DHRS12: variants seen among roughly 807,000 people sequenced by gnomAD.
DHRS12 encodes the protein dehydrogenase/reductase 12, also known as dehydrogenase/reductase SDR family member 12.
DHRS12 carries 29 observed loss-of-function variants against 32.1 expected under a neutral mutation model. The ratio of observed to expected loss-of-function variants is 0.90; its 90% CI spans 0.67 to 1.23. The LOEUF (loss-of-function observed/expected upper bound fraction) is 1.23, where lower values mean the gene tolerates loss of function less well. Ranked by LOEUF, DHRS12 falls within the 50% of genes most tolerant of loss-of-function variation. The pLI, the probability that DHRS12 is intolerant of heterozygous loss-of-function variation, is 0.00. For missense variants in DHRS12, 330 were observed against 337.2 expected, an observed-to-expected ratio of 0.98 and a Z score of 0.17; for synonymous variants, 150 against 135.9, an observed-to-expected ratio of 1.10 and a Z score of -0.72.
chr13:51,767,507 G>A (rs1046666558), downstream of DHRS12: 1 of 152,112 alleles, frequency 6.6e-6, no homozygotes, highest in Non-Finnish European at 1.5e-5. Context: ...ATTCCACCAT[G>A]GACACCAAGA....
Position 51,783,541 on chromosome 13 carries a change from A to G in DHRS12, c.302-6420T>C, listed in dbSNP as rs560244998. On this transcript the variant is annotated intron_variant, in intron 4 of 8. Transcript: ENST00000444610. ...TGTGTGTACACAGTTCTGAACTGTG[A>G]CAGATGCAGTCATGTAACTACGCAT... 3.3e-4 allele frequency among the ~76,000 whole-genome samples: 51 copies of G among 152,274 alleles called. 2 individuals are homozygous for G. The highest frequency in any genetic ancestry group is 9.4e-4 in the African/African-American group (39 of 41,536).
chr13:51,803,914 C>T, intron 1 of DHRS12, 140 bp downstream of exon 1: 1 of 755,956 alleles, frequency 1.3e-6, no homozygotes, highest in East Asian at 3.8e-5. Context: ...ACGGCGGGCG[C>T]ACCCGTCGTT....
At chr13:51,767,949 C>T (rs1953823883), downstream of DHRS12, 2 of 1,314,072 alleles carry the variant, frequency 1.5e-6, no homozygotes, top group African/African-American at 1.5e-5. Context: ...AAACCATTCT[C>T]GAATAAATGA....
At chr13:51,797,093 CAG>C (rs1391217629) in intron 2 of DHRS12, among the ~76,000 whole-genome samples, 1 of 152,130 alleles carries the variant, frequency 6.6e-6, no homozygotes, top group East Asian at 1.9e-4. Context: ...TCTTTAGTGA[CAG>C]TGAGCGAGCA....
chr13:51,781,150 A>G (rs928092841), intron 4 of DHRS12, among the ~76,000 whole-genome samples: 2 of 152,174 alleles, frequency 1.3e-5, no homozygotes, highest in Non-Finnish European at 2.9e-5. Flanking sequence ...TCACACACTA[A>G]TCTCACACAT....
chr13:51,770,377 A>C (rs1396072863), intron 7 of DHRS12, among the ~76,000 whole-genome samples: 1 of 152,196 alleles, frequency 6.6e-6, no homozygotes, highest in East Asian at 1.9e-4. Flanking sequence ...ACCTTGACCC[A>C]GATGATAGAG....
intron 4 of DHRS12, among the ~76,000 whole-genome samples, chr13:51,781,731 A>G (rs1156947254): frequency 2.0e-5 from 3 of 152,186 alleles, no homozygotes; most frequent in Non-Finnish European, 4.4e-5. Flanking sequence ...GCTGCAACCG[A>G]GTGAGCATGG....
In DHRS12 at chr13:51,799,788, C is replaced by T. The variant is rs1313752883; in HGVS notation, c.-8-121G>A. On this transcript the variant is annotated intron_variant, in intron 1 of 8. Transcript: ENST00000444610. ...TGTCTCCGCCTCTCCCAACACATCA[C>T]GAAACTCCTTTCTCCCTTGCCCTCC... 9 of 1,191,628 alleles carry T rather than the reference C, an allele frequency of 7.6e-6. No individual in the cohort carries two copies. The South Asian group carries it at 9.3e-5, about 12-fold the overall frequency. The allele number at this position is 1,191,628 out of a possible 1,614,324, so 73.8% of individuals were successfully genotyped here.
chr13:51,788,209 G>T (rs940833638), intron 4 of DHRS12, among the ~76,000 whole-genome samples: 1 of 151,936 alleles, frequency 6.6e-6, no homozygotes, highest in African/African-American at 2.4e-5. Context: ...CCAGTCCTGC[G>T]GAACAGTGCC....
chr13:51,796,700 C>G (rs911612758), intron 2 of DHRS12, among the ~76,000 whole-genome samples: 6 of 152,204 alleles, frequency 3.9e-5, no homozygotes, highest in African/African-American at 1.4e-4. Context: ...TTGCATCCTG[C>G]AGCAGCACCA....
chr13:51,782,972 C>T lies in DHRS12; in HGVS notation c.302-5851G>A, dbSNP rs1266926096. ...AGAAGACCTAGAAGGGCAGACACCA[C>T]GGAGCCTGGCGAGGACTCTGCACCA... On this transcript the variant is annotated intron_variant, in intron 4 of 8. Coordinates refer to ENST00000444610, the MANE Select transcript of DHRS12 (RefSeq NM_001377533.1). This position sits in a 1 kb window ranked among gnomAD's most constrained non-coding sequence, Gnocchi z 4.2. Among the ~76,000 whole-genome samples, 1 of 152,148 alleles carries T rather than the reference C, an allele frequency of 6.6e-6. No individual in the cohort carries two copies.
At chr13:51,800,282 C>T (rs960207176) in intron 1 of DHRS12, among the ~76,000 whole-genome samples, 4 of 152,236 alleles carry the variant, frequency 2.6e-5, no homozygotes, top group Non-Finnish European at 4.4e-5. Context: ...GGCAGAAAAG[C>T]ATATTGCAGA....
At chr13:51,789,631 G>A (rs1566298985) in intron 4 of DHRS12, 1 of 985,306 alleles carries the variant, frequency 1.0e-6, no homozygotes, top group African/African-American at 1.7e-5. Flanking sequence ...TGCGCTTCTT[G>A]GTCCATCTTC....
chr13:51,804,102 AG>A lies in DHRS12; in HGVS notation c.-58del. The A allele has an allele frequency of 2.7e-6, 4 of 1,490,962 alleles. No individual in the cohort carries two copies. Among genetic ancestry groups the A allele is most frequent in the Non-Finnish European group, 3.5e-6 (4 of 1,126,792 alleles). 92.4% of individuals were successfully genotyped at this position (1,490,962 alleles called of 1,614,324 possible). A position where few individuals can be genotyped will look rare whatever the true frequency, so the allele number is the denominator to read the frequency against. ...GGCGAACCACACGACGCTGCGGTAC[AG>A]GGACATGCCGGGAGCGCCCCACGCC... On this transcript the variant is annotated 5_prime_UTR_variant, in exon 1 of 9. Coordinates refer to ENST00000444610, the MANE Select transcript of DHRS12 (RefSeq NM_001377533.1).
intron 4 of DHRS12, among the ~76,000 whole-genome samples, chr13:51,778,553 C>A (rs552987532): frequency 6.6e-6 from 1 of 152,160 alleles, no homozygotes; most frequent in Non-Finnish European, 1.5e-5. Context: ...CTGCCAAAAG[C>A]GATCTGCCGC....
At chr13:51,794,274 CCAT>C (rs1468737800) in intron 2 of DHRS12, among the ~76,000 whole-genome samples, 1 of 152,200 alleles carries the variant, frequency 6.6e-6, no homozygotes, top group African/African-American at 2.4e-5. Context: ...AGACAAGCCA[CCAT>C]CTATAGCGGC....
intron 2 of DHRS12, among the ~76,000 whole-genome samples, chr13:51,797,495 C>T (rs1323016374): frequency 6.6e-6 from 1 of 152,112 alleles, no homozygotes; most frequent in African/African-American, 2.4e-5. Context: ...CCCGGGTGAC[C>T]CTTGCTGTGT....
rs1027601044 is a variant in DHRS12 at position 51,768,369 on chromosome 13, C to T, written c.698-73G>A. 1.6e-5 allele frequency: 25 copies of T among 1,529,572 alleles called. No individual in the cohort carries two copies. The Middle Eastern group carries it at 1.3e-3, about 82-fold the overall frequency. 94.8% of individuals were successfully genotyped at this position (1,529,572 alleles called of 1,614,324 possible). A position where few individuals can be genotyped will look rare whatever the true frequency, so the allele number is the denominator to read the frequency against. On this transcript the variant is annotated intron_variant, in intron 8 of 8. Transcript: ENST00000444610. ...GCTGGGTCCATGTCCCTGTGCTGCTCAGGCCTTGAACCGACGCCTGCTGGA... is the reference window on the plus strand; with the variant it reads ...GCTGGGTCCATGTCCCTGTGCTGCTTAGGCCTTGAACCGACGCCTGCTGGA...
chr13:51,776,438 G>C (rs1389942907), intron 5 of DHRS12: 1 of 152,812 alleles, frequency 6.5e-6, no homozygotes, highest in Non-Finnish European at 1.5e-5. Context: ...GAGGACCCTT[G>C]GGACTCCACC....
Sources: allele counts gnomAD v4.1 joint callset (sites outside exome capture counted in the v4.1 genomes callset), GRCh38; gene constraint gnomAD v4.1.1; non-coding constraint Gnocchi (gnomAD v3.1); transcripts MANE v1.5; gene names NCBI Gene and HGNC (gene_info 2026-07-23, HGNC 2026-07-21).